The following CPQ variants were observed in gnomAD, a reference collection of about 807,000 sequenced individuals.
CPQ encodes the protein carboxypeptidase Q, also known as Ser-Met dipeptidase.
A neutral mutation model predicts 45.7 loss-of-function variants in CPQ; 37 were observed. That is an observed-to-expected ratio of 0.81 (90% confidence interval 0.62 to 1.07). CPQ has a LOEUF of 1.07. CPQ is among the 50% of genes least tolerant of loss of function. CPQ has a pLI of 0.00. For synonymous variants in CPQ, 186 were observed against 205.8 expected (o/e 0.90, Z 0.82); for missense variants, 537 against 572.9 (o/e 0.94, Z 0.64).
At chr8:96,742,339 T>A (rs1810104732) in intron 1 of CPQ, among the ~76,000 whole-genome samples, 1 of 152,250 alleles carries the variant, frequency 6.6e-6, no homozygotes. Context: ...TAGATCTTTC[T>A]CCATCCTTTT....
intron 4 of CPQ, among the ~76,000 whole-genome samples, chr8:96,919,639 T>C (rs907905701): frequency 2.0e-5 from 3 of 152,182 alleles, no homozygotes; most frequent in Admixed American, 6.5e-5. Flanking sequence ...CCCTGGAAGG[T>C]ATTCTTGTGT....
At chr8:96,899,387 A>G (rs555181860) in intron 4 of CPQ, among the ~76,000 whole-genome samples, 1 of 152,350 alleles carries the variant, frequency 6.6e-6, no homozygotes, top group East Asian at 1.9e-4. Flanking sequence ...TTTCACATAT[A>G]CATTGTATTA....
At chr8:96,685,142 A>AAAACAAAAAACAAAAAAG (rs1375162487) in intron 1 of CPQ, among the ~76,000 whole-genome samples, 7 of 150,532 alleles carry the variant, frequency 4.7e-5, no homozygotes, top group Non-Finnish European at 1.0e-4. Flanking sequence ...AAAACAAAAA[A>AAAACAAAAAACAAAAAAG]CAGAGTTAGC....
intron 1 of CPQ, among the ~76,000 whole-genome samples, chr8:96,729,748 G>A (rs748049464): frequency 2.9e-4 from 44 of 152,054 alleles, no homozygotes; most frequent in Non-Finnish European, 5.4e-4. Context: ...TTAATGTCCT[G>A]TAGTACTGCA....
At chr8:96,742,408 A>T (rs55772113) in intron 1 of CPQ, among the ~76,000 whole-genome samples, 42,377 of 152,080 alleles carry the variant, frequency 0.28, 7,234 homozygotes, top group Admixed American at 0.39. Flanking sequence ...CAGCACACTG[A>T]TGGGTCTTGA....
In CPQ at chr8:97,000,278, T is replaced by G. The variant is rs907878200; in HGVS notation, c.962-29125T>G. ...TTGTCAAATTTTGCTTCTGTGGCAG[T>G]TGCTTTTCATGAATCTTCATCATGA... On this transcript the variant is annotated intron_variant, in intron 5 of 7. Coordinates refer to ENST00000220763, the MANE Select transcript of CPQ (RefSeq NM_016134.4). Among the ~76,000 whole-genome samples, 76 of 152,072 alleles carry G rather than the reference T, an allele frequency of 5.0e-4. 1 individual carries two copies. The highest frequency in any genetic ancestry group is 3.5e-4 in the Non-Finnish European group (24 of 67,986).
intron 5 of CPQ, among the ~76,000 whole-genome samples, chr8:96,993,796 A>G (rs1046866536): frequency 1.3e-5 from 2 of 152,174 alleles, no homozygotes; most frequent in Non-Finnish European, 2.9e-5. Flanking sequence ...ATTATGTATT[A>G]TTTCATAGTG....
At chr8:96,655,561 T>A (rs1351536672) in intron 1 of CPQ, among the ~76,000 whole-genome samples, 1 of 152,212 alleles carries the variant, frequency 6.6e-6, no homozygotes, top group Non-Finnish European at 1.5e-5. Flanking sequence ...AGATCTTCAT[T>A]TTTTAGTCTG....
rs183729450 is a variant in CPQ at position 96,978,526 on chromosome 8, G to A, written c.961+12480G>A. 1.7e-3 allele frequency among the ~76,000 whole-genome samples: 253 copies of A among 152,230 alleles called. 3 individuals carry two copies. Among genetic ancestry groups the A allele is most frequent in the Admixed American group, 0.013 (195 of 15,288 alleles). ...TGTGCAAAAGTAGACACCACCCAGG[G>A]TATACAGCATAATAATGACCAGTTC... On this transcript the variant is annotated intron_variant, in intron 5 of 7. Coordinates refer to ENST00000220763, the MANE Select transcript of CPQ (RefSeq NM_016134.4).
chr8:97,067,690 C>A (rs373480544), intron 7 of CPQ, among the ~76,000 whole-genome samples: 6 of 152,242 alleles, frequency 3.9e-5, no homozygotes, highest in Middle Eastern at 3.4e-3. Context: ...CTTTTCTGTA[C>A]TCTAATAGAA....
At chr8:96,921,570 A>G (rs1159498336) in intron 4 of CPQ, among the ~76,000 whole-genome samples, 3 of 152,156 alleles carry the variant, frequency 2.0e-5, no homozygotes, top group Non-Finnish European at 4.4e-5. Context: ...TTTGGATGTC[A>G]TGTTTTTGAG....
At chr8:97,140,094 T>A (rs1321116390) in intron 7 of CPQ, among the ~76,000 whole-genome samples, 1 of 151,734 alleles carries the variant, frequency 6.6e-6, no homozygotes, top group Non-Finnish European at 1.5e-5. Context: ...AGACATCAAC[T>A]AAAATTAAAA....
chr8:96,737,226 A>C (rs1274535964), intron 1 of CPQ, among the ~76,000 whole-genome samples: 2 of 146,808 alleles, frequency 1.4e-5, no homozygotes, highest in African/African-American at 2.6e-5. Flanking sequence ...CAGAACTAAT[A>C]AGATACACAC....
At chr8:96,919,020 C>T (rs1435077973) in intron 4 of CPQ, among the ~76,000 whole-genome samples, 1 of 152,024 alleles carries the variant, frequency 6.6e-6, no homozygotes, top group African/African-American at 2.4e-5. Flanking sequence ...CTAAGATTGC[C>T]CCATGGGTAC....
intron 3 of CPQ, among the ~76,000 whole-genome samples, chr8:96,865,989 A>G (rs114691305): frequency 0.018 from 2,719 of 152,162 alleles, 75 homozygotes; most frequent in African/African-American, 0.059. Context: ...TATAATCTCA[A>G]CAAGCTTTTG....
At chr8:96,685,246 T>A (rs968653873) in intron 1 of CPQ, among the ~76,000 whole-genome samples, 1 of 152,200 alleles carries the variant, frequency 6.6e-6, no homozygotes, top group Non-Finnish European at 1.5e-5. Context: ...CTATTTTTAT[T>A]AGTCAAATTT....
At chr8:96,724,942 A>G (rs1429995624) in intron 1 of CPQ, among the ~76,000 whole-genome samples, 1 of 152,218 alleles carries the variant, frequency 6.6e-6, no homozygotes, top group East Asian at 1.9e-4. Context: ...AACTACAACC[A>G]TCTGATCTTT....
chr8:96,949,383 T>C (rs1356803546), intron 4 of CPQ, among the ~76,000 whole-genome samples: 1 of 152,070 alleles, frequency 6.6e-6, no homozygotes, highest in Admixed American at 6.6e-5. Context: ...TCACTTTTTA[T>C]TACATTTTTT....
At chr8:97,095,311 G>A (rs912696285) in intron 7 of CPQ, among the ~76,000 whole-genome samples, 6 of 152,064 alleles carry the variant, frequency 3.9e-5, no homozygotes, top group African/African-American at 1.2e-4. Context: ...AGAAATTATC[G>A]TCCAAGTCGC....
Sources: gnomAD v4.1 joint callset for allele counts (sites outside exome capture counted in the v4.1 genomes callset) on GRCh38, gnomAD v4.1.1 for gene constraint, MANE v1.5 for transcripts, NCBI Gene and HGNC (gene_info 2026-07-23, HGNC 2026-07-21) for gene names.